The following SEH1L variants were observed in gnomAD, a reference collection of about 807,000 sequenced individuals.
SEH1L encodes SEH1 like nucleoporin.
SEH1L carries 18 observed loss-of-function variants against 49.5 expected under a neutral mutation model. The ratio of observed to expected loss-of-function variants is 0.36; its 90% CI spans 0.25 to 0.54. SEH1L has a LOEUF of 0.54. Among genes scored for constraint, SEH1L ranks in the 20% least tolerant of loss-of-function variants. The probability of loss-of-function intolerance (pLI) is 0.87; values close to 1 mark genes in which losing one functional copy is unlikely to be tolerated. For missense variants in SEH1L, 404 were observed against 528.8 expected (o/e 0.76, Z 2.31); for synonymous variants, 169 against 178.1 (o/e 0.95, Z 0.41).
Position 12,963,350 on chromosome 18 carries a change from G to C in SEH1L, c.500G>C (p.Cys167Ser). The change falls in exon 4 of 9, where the codon TGT becomes TCT. Residue 167 changes from cysteine to serine, a missense_variant. This residue lies in a region of SEH1L where 342 missense variants were observed against 430.8 expected (regional missense o/e 0.79). Transcript: ENST00000399892. ...HEISCKLSCS[C>S]ISWNPSSSRA... is the part of the protein sequence containing the mutation. ...ATCTCATGTAAGCTAAGCTGTAGTTGTATTTCTTGGAACCCTTCAAGGTAA... is the reference window on the plus strand; with the variant it reads ...ATCTCATGTAAGCTAAGCTGTAGTTCTATTTCTTGGAACCCTTCAAGGTAA... 1 of 1,613,920 alleles carries C rather than the reference G, an allele frequency of 6.2e-7. No homozygotes were observed. The highest frequency in any genetic ancestry group is 8.5e-7 in the Non-Finnish European group (1 of 1,179,844).
intron 5 of SEH1L, 110 bp downstream of exon 5, chr18:12,971,361 A>C: frequency 1.4e-6 from 1 of 733,506 alleles, no homozygotes; most frequent in South Asian, 1.8e-5. Flanking sequence ...ATGTTTGCTG[A>C]TTTACTATAA....
Position 12,982,501 on chromosome 18 carries a change from A to T in SEH1L, c.762-17A>T, listed in dbSNP as rs1261566170. ...AACTTTGTTTGGAATGCCTCAGAAA[A>T]TGTTTTTTATTAACAGGAAAGAACT... On this transcript the variant is annotated splice_polypyrimidine_tract_variant and intron_variant, in intron 6 of 8. Coordinates refer to ENST00000399892, the MANE Select transcript of SEH1L (RefSeq NM_001013437.2). The T allele has an allele frequency of 2.5e-6, 4 of 1,600,352 alleles. No homozygotes were observed. The highest frequency in any genetic ancestry group is 3.4e-6 in the Non-Finnish European group (4 of 1,174,294).
chr18:12,987,182 A>G lies in SEH1L; in HGVS notation c.*125A>G. The G allele has an allele frequency of 1.6e-6, 1 of 636,302 alleles. No individual in the cohort carries two copies. The highest frequency in any genetic ancestry group is 2.6e-6 in the Non-Finnish European group (1 of 386,734). 39.4% of individuals were successfully genotyped at this position (636,302 alleles called of 1,614,324 possible). A position where few individuals can be genotyped will look rare whatever the true frequency, so the allele number is the denominator to read the frequency against. ...ACTTAGGGTCTGTCTTGCATGTATT[A>G]CAACCAGAATACAGTGTTTGGAACC... On this transcript the variant is annotated 3_prime_UTR_variant, in exon 9 of 9. Transcript: ENST00000399892.
At chr18:12,950,508 C>T (rs2030454486) in intron 1 of SEH1L, among the ~76,000 whole-genome samples, 1 of 151,940 alleles carries the variant, frequency 6.6e-6, no homozygotes, top group Non-Finnish European at 1.5e-5. Flanking sequence ...TTTCCTTTAA[C>T]GTTTTAAGTT....
intron 3 of SEH1L, among the ~76,000 whole-genome samples, chr18:12,961,735 C>T (rs34166083): frequency 0.26 from 39,994 of 151,992 alleles, 6,079 homozygotes; most frequent in Admixed American, 0.37. Flanking sequence ...GGCATGATCT[C>T]GGCTCAGTGC....
rs1246153758 is a variant in SEH1L, at chr18:12,948,243, C to T, written c.111+11C>T. 1.3e-6 allele frequency: 2 copies of T among 1,596,894 alleles called. No individual in the cohort carries two copies. The highest frequency in any genetic ancestry group is 1.7e-6 in the Non-Finnish European group (2 of 1,168,858). On this transcript the variant is annotated intron_variant, in intron 1 of 8. Coordinates refer to ENST00000399892, the MANE Select transcript of SEH1L (RefSeq NM_001013437.2). ...GATCAGAGCGTTAAGGTGCGCGCGGCGCTTGCGGGCGGGGCCGACCCCGGA... is the reference window on the plus strand; with the variant it reads ...GATCAGAGCGTTAAGGTGCGCGCGGTGCTTGCGGGCGGGGCCGACCCCGGA...
At chr18:12,951,637 T>C (rs2030535626) in intron 1 of SEH1L, among the ~76,000 whole-genome samples, 1 of 152,220 alleles carries the variant, frequency 6.6e-6, no homozygotes, top group Admixed American at 6.5e-5. Flanking sequence ...GTGATCCGTT[T>C]GCCTTGGCCT....
intron 4 of SEH1L, among the ~76,000 whole-genome samples, chr18:12,968,392 C>T (rs990121067): frequency 2.0e-5 from 3 of 152,176 alleles, no homozygotes; most frequent in African/African-American, 7.2e-5. Flanking sequence ...CCTCCCTGCC[C>T]CTTTCCCTGT....
intron 3 of SEH1L, among the ~76,000 whole-genome samples, chr18:12,959,284 G>A (rs754676384): frequency 1.3e-5 from 2 of 152,144 alleles, no homozygotes; most frequent in Non-Finnish European, 2.9e-5. Context: ...CATAATGCTA[G>A]GATCCAGAAA....
chr18:12,964,802 G>A (rs2031363410), intron 4 of SEH1L, among the ~76,000 whole-genome samples: 1 of 149,668 alleles, frequency 6.7e-6, no homozygotes, highest in Non-Finnish European at 1.5e-5. Flanking sequence ...CATCTGGCTA[G>A]TTTTTTTTGT....
At chr18:12,985,239 G>A in intron 8 of SEH1L, 1 of 1,608,926 alleles carries the variant, frequency 6.2e-7, no homozygotes, top group Non-Finnish European at 8.5e-7. Context: ...TCCTTTAACA[G>A]AAAGCACAGC....
intron 6 of SEH1L, among the ~76,000 whole-genome samples, chr18:12,980,010 C>T: frequency 7.2e-6 from 1 of 139,778 alleles, no homozygotes; most frequent in African/African-American, 2.6e-5. Flanking sequence ...GCTGACCCCC[C>T]CACCTCCCTC....
intron 5 of SEH1L, 120 bp downstream of exon 5, chr18:12,971,371 A>G: frequency 1.5e-6 from 1 of 689,014 alleles, no homozygotes; most frequent in Non-Finnish European, 2.5e-6. Flanking sequence ...ATTTACTATA[A>G]TATACCAAGT....
chr18:12,978,977 ATGATT>A lies in SEH1L; in HGVS notation c.761+88_761+92del, dbSNP rs1395115761. ...TGTGGAGGAGAGAGTAGAGGTAACT[ATGATT>A]TGGTTTATATTTCTGCTCTGGAAGT... On this transcript the variant is annotated intron_variant, in intron 6 of 8. Transcript: ENST00000399892. 3 of 1,280,364 alleles carry A rather than the reference ATGATT, an allele frequency of 2.3e-6. No homozygotes were observed. In the Admixed American group the frequency reaches 6.4e-5, roughly 27 times the overall value. 79.3% of individuals were successfully genotyped at this position (1,280,364 alleles called of 1,614,324 possible). A position where few individuals can be genotyped will look rare whatever the true frequency, so the allele number is the denominator to read the frequency against.
At chr18:12,980,683 A>C (rs570191171) in intron 6 of SEH1L, among the ~76,000 whole-genome samples, 22 of 97,362 alleles carry the variant, frequency 2.3e-4, no homozygotes, top group South Asian at 3.9e-4. Flanking sequence ...GGTGGCTGGC[A>C]GGGCGGGGGG....
chr18:12,978,710 A>T lies in SEH1L; in HGVS notation c.621-42A>T, dbSNP rs780201740. On this transcript the variant is annotated intron_variant, in intron 5 of 8. Transcript: ENST00000399892. ...TGCAGTGATGTGTGGATTTTTGCAC[A>T]TTTTATTTCTAAAATGTTAATGTCA... The T allele has an allele frequency of 3.8e-6, 6 of 1,566,156 alleles. No homozygotes were observed. The African/African-American group carries it at 6.8e-5, about 18-fold the overall frequency.
intron 3 of SEH1L, 46 bp downstream of exon 3, chr18:12,955,655 C>T (rs1037047431): frequency 3.1e-6 from 5 of 1,592,954 alleles, no homozygotes; most frequent in Non-Finnish European, 4.3e-6. Context: ...ACATGAGCAG[C>T]CAAGGAGCAT....
chr18:12,986,098 T>G, intron 8 of SEH1L: 1 of 985,058 alleles, frequency 1.0e-6, no homozygotes, highest in Non-Finnish European at 1.2e-6. Context: ...TTACTAAAAT[T>G]GTGCATGTAA....
chr18:12,954,863 A>G lies in SEH1L; in HGVS notation c.163-600A>G, dbSNP rs373308482. 9.2e-5 allele frequency among the ~76,000 whole-genome samples: 14 copies of G among 152,212 alleles called. No individual in the cohort carries two copies. In the East Asian group the frequency reaches 1.2e-3, roughly 13 times the overall value. On this transcript the variant is annotated intron_variant, in intron 2 of 8. Coordinates refer to ENST00000399892, the MANE Select transcript of SEH1L (RefSeq NM_001013437.2). ...AGTGTACAATTTAGTGATTTTAAGT[A>G]TATTCATTTAATTGGCAACCACCAC...
Sources: gnomAD v4.1 joint callset for allele counts (sites outside exome capture counted in the v4.1 genomes callset) on GRCh38, gnomAD v4.1.1 for gene constraint, gnomAD v4.1.1 regional missense constraint, MANE v1.5 for transcripts, NCBI Gene and HGNC (gene_info 2026-07-23, HGNC 2026-07-21) for gene names.